PDYN: variants seen among roughly 807,000 people sequenced by gnomAD.
PDYN encodes proenkephalin-B.
Under a neutral mutation model 11.4 loss-of-function variants are expected in PDYN, and 5 were observed. That is an observed-to-expected ratio of 0.44 (90% confidence interval 0.23 to 0.92). PDYN has a LOEUF of 0.92. PDYN is among the 40% of genes least tolerant of loss of function. The pLI, the probability that PDYN is intolerant of heterozygous loss-of-function variation, is 0.24. For missense variants in PDYN, 337 were observed against 317.3 expected, an observed-to-expected ratio of 1.06 and a Z score of -0.47; for synonymous variants, 132 against 129.5, an observed-to-expected ratio of 1.02 and a Z score of -0.13.
At chr20:1,981,229 C>T (rs931458316) in intron 3 of PDYN, among the ~76,000 whole-genome samples, 5 of 152,280 alleles carry the variant, frequency 3.3e-5, no homozygotes, top group South Asian at 2.1e-4. Context: ...AAGATCTTCC[C>T]GTAGTGTTCT....
chr20:1,980,589 C>A lies in PDYN; in HGVS notation c.499G>T (p.Asp167Tyr), dbSNP rs1987692919. ...ETGTLYLAEE[D>Y]PKEQVKRYGG... ...TAGCGTTTGACCTGCTCCTTGGGGT[C>A]CTCCTCAGCGAGATAGAGTGTGCCA... The change falls in exon 4 of 4, where the codon GAC becomes TAC. Residue 167 changes from aspartate to tyrosine, a missense_variant. Asp to Tyr is a radical substitution (Grantham distance 160, BLOSUM62 -3). Transcript: ENST00000217305. 4.3e-6 allele frequency: 7 copies of A among 1,614,136 alleles called. No homozygotes were observed. Among genetic ancestry groups the A allele is most frequent in the Non-Finnish European group, 5.9e-6 (7 of 1,180,028 alleles).
rs1987553613 is a variant in PDYN at position 1,979,113 on chromosome 20, C to T, written c.*1210G>A. 6.6e-6 allele frequency: 1 copy of T among 152,200 alleles called. No homozygotes were observed. Among genetic ancestry groups the T allele is most frequent in the Non-Finnish European group, 1.5e-5 (1 of 68,050 alleles). 9.4% of individuals were successfully genotyped at this position (152,200 alleles called of 1,614,324 possible). On this transcript the variant is annotated 3_prime_UTR_variant, in exon 4 of 4. Transcript: ENST00000217305. ...AAACCAAGACATCAGGAGGTCTCTGCCTCTGATTCAGGGTTATTTGAATCA... is the reference window on the plus strand; with the variant it reads ...AAACCAAGACATCAGGAGGTCTCTGTCTCTGATTCAGGGTTATTTGAATCA...
chr20:1,982,920 G>A (rs748175067), intron 3 of PDYN, 36 bp downstream of exon 3: 1 of 1,610,136 alleles, frequency 6.2e-7, no homozygotes, highest in Non-Finnish European at 8.5e-7. Context: ...ACAGGTCCAA[G>A]GACCTGGGCA....
intron 3 of PDYN, among the ~76,000 whole-genome samples, chr20:1,981,421 A>G (rs1207279908): frequency 3.3e-5 from 5 of 152,148 alleles, no homozygotes; most frequent in Non-Finnish European, 5.9e-5. Context: ...AGGGTTCATC[A>G]GGCCTGGGGT....
chr20:1,980,796 G>A lies in PDYN; in HGVS notation c.292C>T (p.Leu98Phe). 3 of 1,614,204 alleles carry A rather than the reference G, an allele frequency of 1.9e-6. No individual in the cohort carries two copies. In the South Asian group the frequency reaches 3.3e-5, roughly 18 times the overall value. ...AGCTCCTTCAGGAATGACCCAGAGA[G>A]CTTGGCCAGCTCACTGTAGGGCCCT... ...GEGPYSELAK[L>F]SGSFLKELEK... Residue 98 changes from leucine (L) to phenylalanine (F), a missense_variant, in exon 4 of 4, where the codon CTC (leucine) becomes TTC (phenylalanine). Coordinates refer to ENST00000217305, the MANE Select transcript of PDYN (RefSeq NM_024411.5).
At chr20:1,981,132 T>A (rs1336744406) in intron 3 of PDYN, among the ~76,000 whole-genome samples, 174 bp from the exon 4 acceptor site, 1 of 152,248 alleles carries the variant, frequency 6.6e-6, no homozygotes, top group East Asian at 1.9e-4. Flanking sequence ...TTTGTGCCTG[T>A]GAGAAAGAGA....
Position 1,980,935 on chromosome 20 carries a change from A to T in PDYN, c.153T>A (p.Ala51=). 1 of 1,614,174 alleles carries T rather than the reference A, an allele frequency of 6.2e-7. No individual in the cohort carries two copies. Among genetic ancestry groups the T allele is most frequent in the Non-Finnish European group, 8.5e-7 (1 of 1,180,046 alleles). Residue 51 remains alanine (A), a synonymous_variant, in exon 4 of 4, where the codon GCT becomes GCA. Transcript: ENST00000217305. ...NPLICSLQCQ[A]ALLPSEEWER... is the part of the protein sequence containing the mutation. ...CCCATTCCTCAGAGGGCAGCAGGGC[A>T]GCCTGGCATTGCAGGGAGCAAATCT...
At chr20:1,987,534 G>A (rs1988244508) in intron 2 of PDYN, among the ~76,000 whole-genome samples, 1 of 152,160 alleles carries the variant, frequency 6.6e-6, no homozygotes, top group Non-Finnish European at 1.5e-5. Flanking sequence ...ACTGCCGACT[G>A]CCTGACAGAC....
At chr20:1,990,711 C>A (rs548917653) in intron 2 of PDYN, among the ~76,000 whole-genome samples, 1 of 151,724 alleles carries the variant, frequency 6.6e-6, no homozygotes, top group Admixed American at 6.6e-5. Flanking sequence ...TGGATGGAAC[C>A]GCCACCCTTT....
chr20:1,980,297 T>C lies in PDYN; in HGVS notation c.*26A>G, dbSNP rs1323240361. 11 of 1,613,256 alleles carry C rather than the reference T, an allele frequency of 6.8e-6. No homozygotes were observed. Among genetic ancestry groups the C allele is most frequent in the African/African-American group, 1.3e-5 (1 of 74,912 alleles). On this transcript the variant is annotated 3_prime_UTR_variant, in exon 4 of 4. Transcript: ENST00000217305. Reference sequence around the variant, plus strand: ...CTGAAAAGGTGTCAGGGGTTTCTCCTGACTCTACTCCATGAAAAGAGGTGC... The same window carrying C: ...CTGAAAAGGTGTCAGGGGTTTCTCCCGACTCTACTCCATGAAAAGAGGTGC...
At position 1,980,573 on chromosome 20, in the gene PDYN, A is replaced by T; in HGVS notation, c.515T>A (p.Val172Asp). 6.2e-7 allele frequency: 1 copy of T among 1,613,910 alleles called. No individual in the cohort carries two copies. ...GCGCAAAAAGCCCCCATAGCGTTTG[A>T]CCTGCTCCTTGGGGTCCTCCTCAGC... ...YLAEEDPKEQ[V>D]KRYGGFLRKY... The change falls in exon 4 of 4, where the codon GTC (valine) becomes GAC (aspartate). Residue 172 changes from valine (V) to aspartate (D), a missense_variant. Transcript: ENST00000217305.
intron 2 of PDYN, among the ~76,000 whole-genome samples, chr20:1,989,579 G>T (rs997535935): frequency 6.6e-6 from 1 of 152,188 alleles, no homozygotes; most frequent in African/African-American, 2.4e-5. Flanking sequence ...GTAGTCAGCT[G>T]AGGGCTCAGA....
At chr20:1,988,029 C>T (rs1988267894) in intron 2 of PDYN, among the ~76,000 whole-genome samples, 1 of 152,182 alleles carries the variant, frequency 6.6e-6, no homozygotes, top group Non-Finnish European at 1.5e-5. Flanking sequence ...GGACGGAGGG[C>T]CTGCTGGGTG....
chr20:1,982,887 C>T (rs953826091), intron 3 of PDYN, 69 bp downstream of exon 3: 44 of 1,558,398 alleles, frequency 2.8e-5, no homozygotes, highest in Non-Finnish European at 3.9e-5. Context: ...GGCCTGCAAC[C>T]TCCCCTCTCT....
chr20:1,988,872 G>C lies in PDYN; in HGVS notation c.-20+3712C>G, dbSNP rs199809888. On this transcript the variant is annotated intron_variant, in intron 2 of 3. Coordinates refer to ENST00000217305, the MANE Select transcript of PDYN (RefSeq NM_024411.5). ...ATTCCTTACGTCAATCTCTTTCTGC[G>C]GATAGGCACACCTTGTTGGCTCTGC... Among the ~76,000 whole-genome samples, 3 of 152,266 alleles carry C rather than the reference G, an allele frequency of 2.0e-5. No homozygotes were observed. The East Asian group carries it at 5.8e-4, about 29-fold the overall frequency.
At chr20:1,994,063 T>A (rs1464953700), upstream of PDYN, 1 of 153,198 alleles carries the variant, frequency 6.5e-6, no homozygotes, top group Admixed American at 6.5e-5. Flanking sequence ...CAAATGGCAG[T>A]TCTGGTGCCT....
intron 3 of PDYN, 47 bp from the exon 4 acceptor site, chr20:1,981,005 T>G (rs1204044481): frequency 6.2e-7 from 1 of 1,606,478 alleles, no homozygotes; most frequent in Admixed American, 1.7e-5. Context: ...TCAAAACACA[T>G]GCACTGGTCT....
intron 2 of PDYN, among the ~76,000 whole-genome samples, chr20:1,986,813 C>G (rs1303458471): frequency 6.6e-6 from 1 of 152,236 alleles, no homozygotes; most frequent in Non-Finnish European, 1.5e-5. Flanking sequence ...CCACACACCC[C>G]ACCCTCCAAG....
intron 1 of PDYN, 77 bp from the exon 2 acceptor site, chr20:1,992,720 C>G (rs1988504124): frequency 6.6e-6 from 1 of 152,258 alleles, no homozygotes; most frequent in African/African-American, 2.4e-5. Flanking sequence ...GAAGGTGCCA[C>G]AGAGGGGTGG....
Sources: gnomAD v4.1 joint callset for allele counts (sites outside exome capture counted in the v4.1 genomes callset) on GRCh38, gnomAD v4.1.1 for gene constraint, MANE v1.5 for transcripts, NCBI Gene and HGNC (gene_info 2026-07-23, HGNC 2026-07-21) for gene names.